Variants in FHIT observed in about 807,000 individuals in gnomAD.
The protein encoded by FHIT is bis(5'-adenosyl)-triphosphatase.
Under a neutral mutation model 17.9 loss-of-function variants are expected in FHIT, and 19 were observed. The ratio of observed to expected loss-of-function variants is 1.06; its 90% CI spans 0.74 to 1.56. The LOEUF (loss-of-function observed/expected upper bound fraction) is 1.56. FHIT is among the 40% of genes most tolerant of loss of function. The pLI, the probability that FHIT is intolerant of heterozygous loss-of-function variation, is 0.00. For missense variants in FHIT, 248 were observed against 189.2 expected (o/e 1.31, Z -1.82); for synonymous variants, 81 against 69.7 (o/e 1.16, Z -0.81).
At chr3:60,788,859 T>C (rs1349285841) in intron 4 of FHIT, among the ~76,000 whole-genome samples, 15 of 152,162 alleles carry the variant, frequency 9.9e-5, no homozygotes, top group Admixed American at 9.8e-4. Flanking sequence ...ATATATATTA[T>C]ATATGGCACA....
chr3:59,828,284 C>T (rs1052108405), intron 8 of FHIT, among the ~76,000 whole-genome samples: 1 of 152,202 alleles, frequency 6.6e-6, no homozygotes, highest in Non-Finnish European at 1.5e-5. Flanking sequence ...AACACATTTT[C>T]TTTGCCTCCA....
intron 3 of FHIT, among the ~76,000 whole-genome samples, chr3:61,041,772 T>C (rs780073627): frequency 6.6e-6 from 1 of 151,900 alleles, no homozygotes; most frequent in African/African-American, 2.4e-5. Flanking sequence ...TCTTTTGAGC[T>C]AATAAAATGC....
At chr3:60,684,797 C>G (rs2040826523) in intron 4 of FHIT, among the ~76,000 whole-genome samples, 1 of 152,046 alleles carries the variant, frequency 6.6e-6, no homozygotes, top group Non-Finnish European at 1.5e-5. Context: ...CTCAAAAGTG[C>G]TCAAGAGCCT....
At chr3:60,681,237 G>A (rs1251626272) in intron 4 of FHIT, among the ~76,000 whole-genome samples, 3 of 152,100 alleles carry the variant, frequency 2.0e-5, no homozygotes, top group Non-Finnish European at 2.9e-5. Flanking sequence ...TTATTATTAT[G>A]TCTGTTGTGG....
At chr3:59,847,643 T>C (rs537584997) in intron 8 of FHIT, among the ~76,000 whole-genome samples, 1 of 152,320 alleles carries the variant, frequency 6.6e-6, no homozygotes, top group South Asian at 2.1e-4. Flanking sequence ...CCTGTTGCTC[T>C]ATATGCCTTG....
At chr3:61,191,975 G>T (rs1423864207) in intron 2 of FHIT, among the ~76,000 whole-genome samples, 1 of 152,180 alleles carries the variant, frequency 6.6e-6, no homozygotes, top group Non-Finnish European at 1.5e-5. Flanking sequence ...GACTTAAGGG[G>T]AAGTCAGCTC....
intron 3 of FHIT, among the ~76,000 whole-genome samples, chr3:60,920,074 C>T (rs1175075949): frequency 1.3e-5 from 2 of 151,984 alleles, no homozygotes; most frequent in Non-Finnish European, 2.9e-5. Flanking sequence ...GGACTTAAAC[C>T]TCAGCTTGCC....
intron 3 of FHIT, among the ~76,000 whole-genome samples, chr3:61,037,706 A>G (rs985884519): frequency 2.6e-5 from 4 of 152,188 alleles, no homozygotes; most frequent in African/African-American, 9.7e-5. Context: ...AAAACGAATG[A>G]GTTAGGCCTT....
chr3:60,073,825 C>G (rs932135103), intron 5 of FHIT, among the ~76,000 whole-genome samples: 5 of 152,108 alleles, frequency 3.3e-5, no homozygotes, highest in African/African-American at 1.2e-4. Flanking sequence ...GTCCTGCAAC[C>G]TCCAGCTTGA....
intron 5 of FHIT, among the ~76,000 whole-genome samples, chr3:60,299,434 A>G (rs1034943713): frequency 6.6e-6 from 1 of 152,116 alleles, no homozygotes; most frequent in Non-Finnish European, 1.5e-5. Context: ...CCTTCATCTG[A>G]GAGTGTCTTG....
At chr3:61,175,802 G>A (rs1298009309) in intron 2 of FHIT, among the ~76,000 whole-genome samples, 1 of 152,128 alleles carries the variant, frequency 6.6e-6, no homozygotes, top group Non-Finnish European at 1.5e-5. Flanking sequence ...CAGTCCTACT[G>A]GTGCATTGAT....
Position 60,213,240 on chromosome 3 carries a change from C to G in FHIT, c.104-199088G>C, listed in dbSNP as rs115096693. Among the ~76,000 whole-genome samples, 1,148 of 152,260 alleles carry G rather than the reference C, an allele frequency of 7.5e-3. 11 individuals are homozygous for G. Among genetic ancestry groups the G allele is most frequent in the Non-Finnish European group, 0.012 (834 of 68,034 alleles). Reference sequence around the variant, plus strand: ...ATACCCTTTCTTGCTCTCTCTCCCCCCATCTGCTTCTTTCCGTCTCCCAAT... The same window carrying G: ...ATACCCTTTCTTGCTCTCTCTCCCCGCATCTGCTTCTTTCCGTCTCCCAAT... On this transcript the variant is annotated intron_variant, in intron 5 of 9. Coordinates refer to ENST00000492590, the MANE Select transcript of FHIT (RefSeq NM_002012.4).
intron 5 of FHIT, among the ~76,000 whole-genome samples, chr3:60,086,866 C>G (rs1703515894): frequency 1.3e-5 from 2 of 152,192 alleles, no homozygotes; most frequent in South Asian, 4.1e-4. Flanking sequence ...GCTGCTGCTG[C>G]TGGTGGCTGT....
At chr3:59,930,828 C>A (rs1705934787) in intron 7 of FHIT, among the ~76,000 whole-genome samples, 1 of 152,070 alleles carries the variant, frequency 6.6e-6, no homozygotes, top group Non-Finnish European at 1.5e-5. Context: ...GGACTGGAAC[C>A]TTGAGAACCC....
intron 4 of FHIT, among the ~76,000 whole-genome samples, chr3:60,716,953 T>C (rs2041698721): frequency 6.6e-6 from 1 of 152,224 alleles, no homozygotes; most frequent in Admixed American, 6.5e-5. Flanking sequence ...TACAATGGAA[T>C]ACTATTCAGC....
intron 8 of FHIT, among the ~76,000 whole-genome samples, chr3:59,782,719 A>C (rs1235724029): frequency 6.6e-6 from 1 of 152,228 alleles, no homozygotes; most frequent in Non-Finnish European, 1.5e-5. Flanking sequence ...GGGTGAGTAC[A>C]CAAGGAGATA....
chr3:60,806,448 G>C (rs985541273), intron 4 of FHIT, among the ~76,000 whole-genome samples: 1 of 152,172 alleles, frequency 6.6e-6, no homozygotes, highest in Non-Finnish European at 1.5e-5. Context: ...TCTCATGCCA[G>C]CACCCCTTCT....
intron 1 of FHIT, among the ~76,000 whole-genome samples, chr3:61,240,752 A>G (rs1415380879): frequency 6.6e-6 from 1 of 152,226 alleles, no homozygotes; most frequent in Non-Finnish European, 1.5e-5. Flanking sequence ...CCCCTTCTTT[A>G]CATAATTTTA....
intron 8 of FHIT, among the ~76,000 whole-genome samples, chr3:59,788,098 A>C (rs1280479922): frequency 6.6e-6 from 1 of 152,186 alleles, no homozygotes; most frequent in Non-Finnish European, 1.5e-5. Context: ...GATGGTAGCA[A>C]AGGACACAAT....
Sources: allele counts gnomAD v4.1 joint callset (sites outside exome capture counted in the v4.1 genomes callset), GRCh38; gene constraint gnomAD v4.1.1; transcripts MANE v1.5; gene names NCBI Gene and HGNC (gene_info 2026-07-23, HGNC 2026-07-21).